The following PCDHAC2 variants were observed in gnomAD, a reference collection of about 807,000 sequenced individuals.
PCDHAC2 encodes protocadherin alpha subfamily C, 2.
In PCDHAC2, 24 loss-of-function variants were observed where a neutral mutation model predicts 63.3. The ratio of observed to expected loss-of-function variants is 0.38; its 90% CI spans 0.27 to 0.53. The LOEUF (loss-of-function observed/expected upper bound fraction) is 0.53, where lower values mean the gene tolerates loss of function less well. PCDHAC2 is among the 20% of genes least tolerant of loss of function. The probability of loss-of-function intolerance (pLI) is 0.81; values close to 1 mark genes in which losing one functional copy is unlikely to be tolerated. For missense variants in PCDHAC2, 1,181 were observed against 1,275.2 expected (o/e 0.93, Z 1.12); for synonymous variants, 569 against 529.4 (o/e 1.07, Z -1.03).
rs1419215366 is a variant in PCDHAC2, at chr5:141,010,888, T to G, written c.*951T>G. 2 of 153,748 alleles carry G rather than the reference T, an allele frequency of 1.3e-5. No homozygotes were observed. The highest frequency in any genetic ancestry group is 2.9e-5 in the Non-Finnish European group (2 of 68,032). The allele number at this position is 153,748 out of a possible 1,614,324, so 9.5% of individuals were successfully genotyped here. On this transcript the variant is annotated 3_prime_UTR_variant, in exon 4 of 4. Coordinates refer to ENST00000289269, the MANE Select transcript of PCDHAC2 (RefSeq NM_018899.6). Reference sequence around the variant, plus strand: ...AGCTATAAATCTTTAAAGAGAAATATGAATACAATTCCCCTAAACTCTCCT... The same window carrying G: ...AGCTATAAATCTTTAAAGAGAAATAGGAATACAATTCCCCTAAACTCTCCT...
chr5:140,990,198 C>T (rs954813003), intron 3 of PCDHAC2, among the ~76,000 whole-genome samples: 5 of 151,968 alleles, frequency 3.3e-5, no homozygotes, highest in South Asian at 2.1e-4. Context: ...AATGTGGACC[C>T]GAAAGAGAAC....
At position 140,968,504 on chromosome 5, in the gene PCDHAC2, C is replaced by T. The variant is rs147528189; in HGVS notation, c.1738C>T (p.Leu580=). 58 of 1,614,064 alleles carry T rather than the reference C, an allele frequency of 3.6e-5. No individual in the cohort carries two copies. In the African/African-American group the frequency reaches 6.7e-4, roughly 19 times the overall value. ...CATGAATGACCATGCCCCTCACATT[C>T]TGTACCCTACCTCAACCAACTCGTC... ...VDMNDHAPHI[L]YPTSTNSSAA... Residue 580 remains leucine, a synonymous_variant, in exon 1 of 4, where the codon CTG becomes TTG. Transcript: ENST00000289269.
intron 3 of PCDHAC2, among the ~76,000 whole-genome samples, chr5:141,001,157 A>T (rs1554258022): frequency 6.6e-6 from 1 of 152,136 alleles, no homozygotes; most frequent in African/African-American, 2.4e-5. Flanking sequence ...TGATCTTAAT[A>T]AGTAAAATTT....
intron 1 of PCDHAC2, among the ~76,000 whole-genome samples, chr5:140,971,061 G>A (rs2096454888): frequency 6.6e-6 from 1 of 152,154 alleles, no homozygotes; most frequent in Non-Finnish European, 1.5e-5. Context: ...TTTAAATAAG[G>A]TTGCTGTAGA....
Position 141,012,272 on chromosome 5 carries a change from C to G in PCDHAC2, c.*2335C>G, listed in dbSNP as rs186406635. On this transcript the variant is annotated 3_prime_UTR_variant, in exon 4 of 4. Transcript: ENST00000289269. ...TTACAGCTGTAAGGATAAAACACGTCATGTGGATTCATTTTGAATTGGTGC... is the reference window on the plus strand; with the variant it reads ...TTACAGCTGTAAGGATAAAACACGTGATGTGGATTCATTTTGAATTGGTGC... 3.3e-4 allele frequency: 51 copies of G among 153,858 alleles called. No individual in the cohort carries two copies. In the East Asian group the frequency reaches 6.6e-3, roughly 20 times the overall value. 9.5% of individuals were successfully genotyped at this position (153,858 alleles called of 1,614,324 possible). A position where few individuals can be genotyped will look rare whatever the true frequency, so the allele number is the denominator to read the frequency against.
chr5:141,006,937 A>G (rs1341234151), intron 3 of PCDHAC2, among the ~76,000 whole-genome samples: 1 of 152,206 alleles, frequency 6.6e-6, no homozygotes, highest in Non-Finnish European at 1.5e-5. Context: ...AACTGGGGAT[A>G]CCAGATAGGC....
chr5:140,967,191 A>G lies in PCDHAC2; in HGVS notation c.425A>G (p.Asn142Ser), dbSNP rs781981464. ...GTTGAGGTGGAAATATTGGACATCA[A>G]CGACAACTCACCGCGTTTCCCGCGG... ...SAVEVEILDI[N>S]DNSPRFPRPN... The change falls in exon 1 of 4, where the codon AAC becomes AGC. Residue 142 changes from asparagine to serine, a missense_variant. By Grantham distance (46) the Asn-to-Ser change is conservative. This residue lies in a region of PCDHAC2 where 3 missense variants were observed against 16.8 expected (regional missense o/e 0.18). Coordinates refer to ENST00000289269, the MANE Select transcript of PCDHAC2 (RefSeq NM_018899.6). The G allele has an allele frequency of 6.2e-7, 1 of 1,613,532 alleles. No homozygotes were observed. The highest frequency in any genetic ancestry group is 8.5e-7 in the Non-Finnish European group (1 of 1,179,762).
chr5:140,988,247 TC>T (rs2097289620), intron 3 of PCDHAC2, among the ~76,000 whole-genome samples: 1 of 152,148 alleles, frequency 6.6e-6, no homozygotes, highest in Admixed American at 6.5e-5. Context: ...GTGGGGCAGC[TC>T]CCGCCTGTGA....
intron 3 of PCDHAC2, among the ~76,000 whole-genome samples, chr5:140,994,309 C>T (rs924119174): frequency 1.3e-5 from 2 of 152,072 alleles, no homozygotes; most frequent in African/African-American, 4.8e-5. Context: ...TTCACAGGGC[C>T]CAAACACTCT....
At chr5:140,972,749 C>T (rs6899060) in intron 1 of PCDHAC2, among the ~76,000 whole-genome samples, 3,772 of 151,356 alleles carry the variant, frequency 0.025, 151 homozygotes, top group African/African-American at 0.085. Flanking sequence ...CTGCAACCTC[C>T]GCCTCCCAAG....
chr5:140,987,536 A>G (rs555442118), intron 3 of PCDHAC2, among the ~76,000 whole-genome samples: 126 of 152,290 alleles, frequency 8.3e-4, no homozygotes, highest in Non-Finnish European at 1.6e-3. Context: ...TCCTGGGACC[A>G]TTACTTAACT....
chr5:140,992,823 T>A (rs1261484178), intron 3 of PCDHAC2, among the ~76,000 whole-genome samples: 1 of 152,140 alleles, frequency 6.6e-6, no homozygotes, highest in Non-Finnish European at 1.5e-5. Flanking sequence ...ATGTGTTTGT[T>A]TTTTGGGAAC....
At chr5:141,001,216 G>T (rs938133871) in intron 3 of PCDHAC2, among the ~76,000 whole-genome samples, 1 of 152,082 alleles carries the variant, frequency 6.6e-6, no homozygotes, top group Non-Finnish European at 1.5e-5. Context: ...GCTGTATAAG[G>T]ATAGTTACAT....
In PCDHAC2 at chr5:141,009,694, A is replaced by G. The variant is rs782798367; in HGVS notation, c.2781A>G (p.Lys927=). The part of the protein sequence containing the change: ...AGVNSNSWTF[K]YGPGNPKQSG... ...TCAACAGCAACAGCTGGACCTTTAA[A>G]TACGGACCAGGCAACCCCAAACAAT... is the stretch of plus-strand genomic sequence containing the variant. The change falls in exon 4 of 4, where the codon AAA becomes AAG. Residue 927 remains lysine (K), a synonymous_variant. Transcript: ENST00000289269. 5 of 1,613,890 alleles carry G rather than the reference A, an allele frequency of 3.1e-6. No homozygotes were observed. In the Admixed American group the frequency reaches 6.7e-5, roughly 22 times the overall value.
At chr5:140,987,515 T>TA (rs2097257557) in intron 3 of PCDHAC2, among the ~76,000 whole-genome samples, 1 of 152,160 alleles carries the variant, frequency 6.6e-6, no homozygotes, top group African/African-American at 2.4e-5. Flanking sequence ...TGCCACTCAG[T>TA]AATTGTATGT....
intron 2 of PCDHAC2, among the ~76,000 whole-genome samples, chr5:140,979,586 C>T (rs1554240859): frequency 6.6e-6 from 1 of 152,188 alleles, no homozygotes; most frequent in Admixed American, 6.5e-5. Context: ...CCAAATCTAG[C>T]TTACTTTAAA....
chr5:140,997,859 T>C (rs2097788506), intron 3 of PCDHAC2, among the ~76,000 whole-genome samples: 1 of 152,216 alleles, frequency 6.6e-6, no homozygotes, highest in Non-Finnish European at 1.5e-5. Context: ...TACATATTTC[T>C]TATGCATGCT....
At chr5:140,988,414 T>C (rs1554250128) in intron 3 of PCDHAC2, among the ~76,000 whole-genome samples, 1 of 152,194 alleles carries the variant, frequency 6.6e-6, no homozygotes. Flanking sequence ...GCAGCTTATG[T>C]AAAGAATTTG....
At chr5:140,991,025 A>G (rs1440890555) in intron 3 of PCDHAC2, among the ~76,000 whole-genome samples, 2 of 152,208 alleles carry the variant, frequency 1.3e-5, no homozygotes, top group African/African-American at 4.8e-5. Flanking sequence ...CACTTTACAT[A>G]TGTTGCATAC....
Sources: allele counts gnomAD v4.1 joint callset (sites outside exome capture counted in the v4.1 genomes callset), GRCh38; gene constraint gnomAD v4.1.1; regional missense constraint gnomAD v4.1.1; transcripts MANE v1.5; gene names NCBI Gene and HGNC (gene_info 2026-07-23, HGNC 2026-07-21).